Variants in DOCK9 observed in about 807,000 individuals in gnomAD.
DOCK9 encodes the protein dedicator of cytokinesis 9, also known as dedicator of cytokinesis protein 9.
DOCK9 carries 89 observed loss-of-function variants against 263.3 expected under a neutral mutation model. The ratio of observed to expected loss-of-function variants is 0.34; its 90% CI spans 0.28 to 0.40. The LOEUF is 0.40. DOCK9 is among the 10% of genes least tolerant of loss of function. The pLI is 1.00. For synonymous variants in DOCK9, 976 were observed against 973.1 expected (o/e 1.00, Z -0.06); for missense variants, 2,140 against 2,603.4 (o/e 0.82, Z 3.87).
chr13:98,899,950 ATGAAAATT>A (rs2048024977), intron 13 of DOCK9, among the ~76,000 whole-genome samples: 1 of 152,174 alleles, frequency 6.6e-6, no homozygotes, highest in Non-Finnish European at 1.5e-5. Context: ...TTCCTCCAAA[ATGAAAATT>A]TACTCTAAAT....
chr13:99,047,761 G>A (rs1382979962), intron 1 of DOCK9, among the ~76,000 whole-genome samples: 2 of 151,906 alleles, frequency 1.3e-5, no homozygotes, highest in South Asian at 4.2e-4. Flanking sequence ...GACTTCAGGC[G>A]ATCCACCCAC....
chr13:98,797,339 C>G (rs370986774), intron 51 of DOCK9, 50 bp downstream of exon 51: 7 of 1,607,684 alleles, frequency 4.4e-6, no homozygotes, highest in African/African-American at 2.7e-5. Flanking sequence ...CGAATGAGTA[C>G]AGAAATGATC....
At chr13:98,912,877 C>T (rs1435602192) in intron 9 of DOCK9, among the ~76,000 whole-genome samples, 1 of 152,098 alleles carries the variant, frequency 6.6e-6, no homozygotes, top group South Asian at 2.1e-4. Context: ...AACTAAAACC[C>T]AAATGGGCAC....
chr13:98,949,861 A>G, intron 2 of DOCK9: 1 of 482,522 alleles, frequency 2.1e-6, no homozygotes, highest in Non-Finnish European at 4.1e-6. Flanking sequence ...TCCTGGAAAT[A>G]CTTCCCTGGG....
At chr13:98,959,709 G>A (rs1048879531) in intron 1 of DOCK9, among the ~76,000 whole-genome samples, 3 of 152,202 alleles carry the variant, frequency 2.0e-5, no homozygotes, top group African/African-American at 7.2e-5. Context: ...AGATGCAGGG[G>A]AGGAAAACGA....
chr13:98,847,834 G>A (rs1322030246), intron 37 of DOCK9: 1 of 152,134 alleles, frequency 6.6e-6, no homozygotes, highest in Non-Finnish European at 1.5e-5. Context: ...AACACAGAAT[G>A]GCTCACAACA....
chr13:98,955,155 T>C (rs1211014148), intron 2 of DOCK9, among the ~76,000 whole-genome samples: 3 of 152,084 alleles, frequency 2.0e-5, no homozygotes, highest in African/African-American at 4.8e-5. Context: ...CTGTCTCTAA[T>C]ACAAAGACAA....
In DOCK9 at chr13:99,060,593, C is replaced by T. The variant is rs372508589; in HGVS notation, c.129+25630G>A. Among the ~76,000 whole-genome samples the T allele has an allele frequency of 1.6e-3, 250 of 152,284 alleles. 9 individuals carry two copies. The South Asian group carries it at 0.048, about 29-fold the overall frequency. ...ACCATTTAACACCAGCAATGTATGA[C>T]GGTTCAAATCTCTCCACGTCCTTAC... On this transcript the variant is annotated intron_variant, in intron 1 of 32. Coordinates refer to the DOCK9 transcript ENST00000427887.
chr13:98,926,803 G>A (rs1356126356), intron 3 of DOCK9, among the ~76,000 whole-genome samples: 2 of 152,216 alleles, frequency 1.3e-5, no homozygotes, highest in Non-Finnish European at 2.9e-5. Flanking sequence ...AAGCATGAGT[G>A]AATCAATGAA....
At chr13:98,831,023 T>C (rs1229124255) in intron 41 of DOCK9, among the ~76,000 whole-genome samples, 1 of 152,110 alleles carries the variant, frequency 6.6e-6, no homozygotes, top group African/African-American at 2.4e-5. Flanking sequence ...ACCACTTAGG[T>C]TGGGCTTCTT....
rs114296417 is a variant in DOCK9 at position 99,031,986 on chromosome 13, T to C, written c.129+54237A>G. 7.8e-3 allele frequency among the ~76,000 whole-genome samples: 1,188 copies of C among 152,304 alleles called. 16 individuals are homozygous for C. The highest frequency in any genetic ancestry group is 0.027 in the African/African-American group (1,117 of 41,554). On this transcript the variant is annotated intron_variant, in intron 1 of 32. Coordinates refer to the DOCK9 transcript ENST00000427887. Reference sequence around the variant, plus strand: ...GAAGATATGCTTCTTGATTTCATAATAGCCAGTACCTGGGTTAAATATATT... The same window carrying C: ...GAAGATATGCTTCTTGATTTCATAACAGCCAGTACCTGGGTTAAATATATT...
intron 27 of DOCK9, among the ~76,000 whole-genome samples, chr13:98,874,389 C>T (rs916295537): frequency 2.6e-5 from 4 of 152,176 alleles, no homozygotes; most frequent in African/African-American, 9.7e-5. Flanking sequence ...ATCCATTTAC[C>T]AGCTGATGGT....
At chr13:98,951,903 C>CTTTTTTTTTTTTTTTTTTTT (rs71114563) in intron 2 of DOCK9, among the ~76,000 whole-genome samples, 81 of 134,856 alleles carry the variant, frequency 6.0e-4, no homozygotes, top group Non-Finnish European at 9.5e-4. Flanking sequence ...TTAATATTCC[C>CTTTTTTTTTTTTTTTTTTTT]TTTTTTTTTT....
At chr13:98,848,337 T>A (rs1425407391) in intron 37 of DOCK9, among the ~76,000 whole-genome samples, 3 of 151,730 alleles carry the variant, frequency 2.0e-5, no homozygotes, top group African/African-American at 7.3e-5. Flanking sequence ...GACGAGAGGA[T>A]GGAAGGGTAG....
At chr13:99,072,472 G>A (rs1481235039) in intron 1 of DOCK9, among the ~76,000 whole-genome samples, 1 of 152,164 alleles carries the variant, frequency 6.6e-6, no homozygotes, top group African/African-American at 2.4e-5. Context: ...GGTACTTCCT[G>A]ACTTCGGGGA....
chr13:99,000,198 A>G (rs774371018), intron 1 of DOCK9, among the ~76,000 whole-genome samples: 9 of 152,112 alleles, frequency 5.9e-5, no homozygotes, highest in Non-Finnish European at 1.0e-4. Context: ...ATATGCCACA[A>G]TCCTTTTCAC....
chr13:98,877,550 ACT>A (rs1443777511), intron 27 of DOCK9, among the ~76,000 whole-genome samples: 1 of 151,062 alleles, frequency 6.6e-6, no homozygotes, highest in African/African-American at 2.4e-5. Flanking sequence ...CGCCAAAACC[ACT>A]CTCTCTCCAC....
At chr13:98,842,195 C>A (rs1234091178) in intron 38 of DOCK9, among the ~76,000 whole-genome samples, 1 of 152,134 alleles carries the variant, frequency 6.6e-6, no homozygotes, top group Non-Finnish European at 1.5e-5. Context: ...GCCTGACAAG[C>A]CACGCCATCC....
chr13:98,939,314 A>G (rs11839392), intron 2 of DOCK9, among the ~76,000 whole-genome samples: 10,158 of 152,176 alleles, frequency 0.067, 544 homozygotes, highest in African/African-American at 0.15. Flanking sequence ...CAGAGAGAAG[A>G]AGGCCCGGGG....
Sources: allele counts gnomAD v4.1 joint callset (sites outside exome capture counted in the v4.1 genomes callset), GRCh38; gene constraint gnomAD v4.1.1; transcripts MANE v1.5; gene names NCBI Gene and HGNC (gene_info 2026-07-23, HGNC 2026-07-21).